VSIG8: variants seen among roughly 807,000 people sequenced by gnomAD.
The protein encoded by VSIG8 is V-set and immunoglobulin domain containing 8.
A neutral mutation model predicts 42.6 loss-of-function variants in VSIG8; 32 were observed. That is an observed-to-expected ratio of 0.75 (90% CI 0.57 to 1.01). The LOEUF is 1.01. Ranked by LOEUF, VSIG8 falls within the 50% of genes least tolerant of loss-of-function variation. The probability of loss-of-function intolerance (pLI) is 0.00; values close to 1 mark genes in which losing one functional copy is unlikely to be tolerated. For missense variants in VSIG8, 529 were observed against 558.0 expected (o/e 0.95, Z 0.52); for synonymous variants, 290 against 243.8 (o/e 1.19, Z -1.77).
Position 159,854,577 on chromosome 1 carries a change from T to C in VSIG8, c.*176A>G. 1 of 1,185,014 alleles carries C rather than the reference T, an allele frequency of 8.4e-7. No homozygotes were observed. Among genetic ancestry groups the C allele is most frequent in the Non-Finnish European group, 1.1e-6 (1 of 916,814 alleles). The allele number at this position is 1,185,014 out of a possible 1,614,324, so 73.4% of individuals were successfully genotyped here. A position where few individuals can be genotyped will look rare whatever the true frequency, so the allele number is the denominator to read the frequency against. On this transcript the variant is annotated 3_prime_UTR_variant, in exon 7 of 7. Transcript: ENST00000368100. ...CCGCCCTCGCCCGCCCCTTCCCACT[T>C]TTGGGGAGGAGGCTCTGCCTCCCTA... is the stretch of plus-strand genomic sequence containing the variant.
At chr1:159,857,107 C>G (rs1229920817) in intron 4 of VSIG8, among the ~76,000 whole-genome samples, 1 of 152,210 alleles carries the variant, frequency 6.6e-6, no homozygotes, top group Non-Finnish European at 1.5e-5. Flanking sequence ...TATTCCCTTT[C>G]CATATATGAA....
intron 6 of VSIG8, 70 bp downstream of exon 6, chr1:159,855,813 G>T: frequency 6.8e-7 from 1 of 1,474,400 alleles, no homozygotes. Flanking sequence ...GCCGGTGGCA[G>T]GCAGGAGTGA....
chr1:159,856,070 T>TA lies in VSIG8; in HGVS notation c.783dup (p.Ile262TyrfsTer60). The stretch of plus-strand genomic sequence containing the variant: ...AGGACGATGCCGATGATCACGCCTA[T>TA]ACGCCGGGAGTCTGTGGAGAGAAGT... On this transcript the variant is annotated frameshift_variant, in exon 6 of 7. Coordinates refer to ENST00000368100, the MANE Select transcript of VSIG8 (RefSeq NM_001013661.1). LOFTEE classifies it high-confidence loss of function. 6.2e-7 allele frequency: 1 copy of TA among 1,611,704 alleles called. No individual in the cohort carries two copies. The highest frequency in any genetic ancestry group is 8.5e-7 in the Non-Finnish European group (1 of 1,179,166).
chr1:159,859,426 G>A (rs1284770509), intron 1 of VSIG8, among the ~76,000 whole-genome samples: 1 of 152,170 alleles, frequency 6.6e-6, no homozygotes, highest in Admixed American at 6.5e-5. Flanking sequence ...CCTGTCCAGA[G>A]GCAGCGGGGT....
Position 159,854,732 on chromosome 1 carries a change from A to G in VSIG8, c.*21T>C. The G allele has an allele frequency of 6.9e-7, 1 of 1,451,734 alleles. No homozygotes were observed. The allele number at this position is 1,451,734 out of a possible 1,614,324, so 89.9% of individuals were successfully genotyped here. On this transcript the variant is annotated 3_prime_UTR_variant, in exon 7 of 7. Coordinates refer to ENST00000368100, the MANE Select transcript of VSIG8 (RefSeq NM_001013661.1). ...CGCGCCCTCCTCCTGGCTGGGGCGC[A>G]GCCCGGCCCGGCGCGCGCGCTCACA...
intron 1 of VSIG8, among the ~76,000 whole-genome samples, chr1:159,859,571 T>C (rs1648958849): frequency 6.6e-6 from 1 of 152,142 alleles, no homozygotes; most frequent in Non-Finnish European, 1.5e-5. Context: ...TGTGTGACCA[T>C]GTGAGCTATG....
At chr1:159,857,712 A>G (rs766750688) in intron 4 of VSIG8, 33 bp downstream of exon 4, 1 of 1,588,366 alleles carries the variant, frequency 6.3e-7, no homozygotes, top group South Asian at 1.1e-5. Context: ...TCTTCCACTC[A>G]CCCCCGACTG....
At chr1:159,862,238 A>G in intron 1 of VSIG8, 1 of 449,972 alleles carries the variant, frequency 2.2e-6, no homozygotes, top group Non-Finnish European at 3.9e-6. Context: ...CAGGGGACAT[A>G]TAAAGATCCA....
Position 159,862,635 on chromosome 1 carries a change from G to A in VSIG8, c.-114C>T, listed in dbSNP as rs2494507. On this transcript the variant is annotated 5_prime_UTR_variant, in exon 1 of 7. Coordinates refer to ENST00000368100, the MANE Select transcript of VSIG8 (RefSeq NM_001013661.1). ...AGCTGAGGGCCCAGACACTGCCTGG[G>A]GTGGCAGGAAGGTGCAATGAGTGCC... 618,861 of 995,076 alleles carry A rather than the reference G, an allele frequency of 0.62. 198,705 individuals are homozygous for A. The highest frequency in any genetic ancestry group is 0.66 in the Non-Finnish European group (439,709 of 664,856). The allele number at this position is 995,076 out of a possible 1,614,324, so 61.6% of individuals were successfully genotyped here.
At chr1:159,855,073 G>A in intron 6 of VSIG8, 47 bp from the exon 7 acceptor site, 2 of 1,562,226 alleles carry the variant, frequency 1.3e-6, no homozygotes, top group Non-Finnish European at 1.7e-6. Flanking sequence ...CTCCGCAGCG[G>A]GGCGTGGGCA....
chr1:159,855,601 A>G (rs1319103908), intron 6 of VSIG8: 1 of 984,652 alleles, frequency 1.0e-6, no homozygotes, highest in Non-Finnish European at 1.2e-6. Context: ...GTGAAAAAAC[A>G]TAGGCCCTGC....
At chr1:159,855,796 C>T in intron 6 of VSIG8, 87 bp downstream of exon 6, 2 of 1,444,324 alleles carry the variant, frequency 1.4e-6, no homozygotes, top group African/African-American at 1.5e-5. Context: ...GGTGGGGGGC[C>T]CAGCCGGCCG....
intron 6 of VSIG8, 187 bp downstream of exon 6, chr1:159,855,696 G>A: frequency 2.1e-6 from 2 of 941,072 alleles, no homozygotes; most frequent in Non-Finnish European, 2.5e-6. Context: ...GTGAAGACTG[G>A]GGTGGCAGGG....
At chr1:159,860,364 A>T (rs1444529789) in intron 1 of VSIG8, among the ~76,000 whole-genome samples, 1 of 152,192 alleles carries the variant, frequency 6.6e-6, no homozygotes, top group Non-Finnish European at 1.5e-5. Context: ...GAACATATTA[A>T]TTCAAAAGAC....
At chr1:159,858,551 G>A (rs1226684344) in intron 2 of VSIG8, among the ~76,000 whole-genome samples, 183 bp downstream of exon 2, 2 of 152,240 alleles carry the variant, frequency 1.3e-5, no homozygotes, top group Non-Finnish European at 2.9e-5. Context: ...AGAATGGGAT[G>A]GGAGGAGGTA....
intron 6 of VSIG8, 176 bp downstream of exon 6, chr1:159,855,707 G>A: frequency 1.1e-6 from 1 of 944,958 alleles, no homozygotes; most frequent in Non-Finnish European, 1.3e-6. Context: ...GGTGGCAGGG[G>A]GAGGGGAAAG....
At position 159,854,376 on chromosome 1, in the gene VSIG8, A is replaced by G; in HGVS notation, c.*377T>C. 4.3e-6 allele frequency: 1 copy of G among 231,466 alleles called. No individual in the cohort carries two copies. The allele number at this position is 231,466 out of a possible 1,614,324, so 14.3% of individuals were successfully genotyped here. On this transcript the variant is annotated 3_prime_UTR_variant, in exon 7 of 7. Coordinates refer to ENST00000368100, the MANE Select transcript of VSIG8 (RefSeq NM_001013661.1). ...CTGCCTCAGAGCTCAGACCTCACAC[A>G]CAGAACAATTCGTCCAGACAGACCC...
chr1:159,855,763 G>C, intron 6 of VSIG8, 120 bp downstream of exon 6: 1 of 1,413,096 alleles, frequency 7.1e-7, no homozygotes, highest in Middle Eastern at 2.6e-4. Flanking sequence ...CCAGCACTCC[G>C]TGGCGATGGC....
In VSIG8 at chr1:159,856,660, G is replaced by A. The variant is rs1477598848; in HGVS notation, c.653-17C>T. The A allele has an allele frequency of 9.3e-6, 15 of 1,612,696 alleles. No homozygotes were observed. Among genetic ancestry groups the A allele is most frequent in the South Asian group, 4.4e-5 (4 of 90,868 alleles). The stretch of plus-strand genomic sequence containing the variant: ...TGTTCAGGCCTGAAAGTGAAGTGGA[G>A]AGAGGCCTGGTCTCTGAGAGCTCCC... On this transcript the variant is annotated splice_polypyrimidine_tract_variant and intron_variant, in intron 4 of 6. Coordinates refer to ENST00000368100, the MANE Select transcript of VSIG8 (RefSeq NM_001013661.1).
Sources: allele counts gnomAD v4.1 joint callset (sites outside exome capture counted in the v4.1 genomes callset), GRCh38; gene constraint gnomAD v4.1.1; transcripts MANE v1.5; gene names NCBI Gene and HGNC (gene_info 2026-07-23, HGNC 2026-07-21).